FBXW11: variants seen among roughly 807,000 people sequenced by gnomAD.
FBXW11 encodes the protein F-box and WD repeat domain containing 11.
A neutral mutation model predicts 77.6 loss-of-function variants in FBXW11; 19 were observed. The ratio of observed to expected loss-of-function variants is 0.24; its 90% CI spans 0.17 to 0.36. The LOEUF (loss-of-function observed/expected upper bound fraction) is 0.36. Among genes scored for constraint, FBXW11 ranks in the 10% least tolerant of loss-of-function variants. The pLI is 1.00. For synonymous variants in FBXW11, 235 were observed against 249.4 expected, an observed-to-expected ratio of 0.94 and a Z score of 0.54; for missense variants, 334 against 704.2, an observed-to-expected ratio of 0.47 and a Z score of 5.95.
intron 2 of FBXW11, among the ~76,000 whole-genome samples, chr5:171,928,414 A>C (rs190902657): frequency 1.0e-3 from 155 of 152,330 alleles, no homozygotes; most frequent in African/African-American, 3.6e-3. Flanking sequence ...TTCATTAGCA[A>C]TCTCAAGGGA....
intron 2 of FBXW11, among the ~76,000 whole-genome samples, chr5:171,944,401 C>T (rs1762898452): frequency 6.6e-6 from 1 of 151,514 alleles, no homozygotes. Context: ...TGGTGAAACC[C>T]CATCTCTACT....
At chr5:171,951,956 CT>C (rs1763342433) in intron 2 of FBXW11, among the ~76,000 whole-genome samples, 1 of 152,086 alleles carries the variant, frequency 6.6e-6, no homozygotes, top group African/African-American at 2.4e-5. Context: ...GAATAATTCT[CT>C]TATTTTTGTG....
intron 13 of FBXW11, among the ~76,000 whole-genome samples, chr5:171,866,438 AT>A (rs1381069569): frequency 2.0e-5 from 3 of 152,200 alleles, no homozygotes; most frequent in African/African-American, 7.2e-5. Context: ...TTGACTTATA[AT>A]TGATCACAAC....
intron 1 of FBXW11, among the ~76,000 whole-genome samples, chr5:171,966,021 T>C (rs904200356): frequency 6.6e-6 from 1 of 152,140 alleles, no homozygotes; most frequent in African/African-American, 2.4e-5. Context: ...ACATGCTTGT[T>C]TCCCCTTTGC....
chr5:171,885,417 C>T (rs772662111), intron 7 of FBXW11, among the ~76,000 whole-genome samples: 4 of 152,184 alleles, frequency 2.6e-5, no homozygotes, highest in East Asian at 1.9e-4. Flanking sequence ...GGTTACCCTA[C>T]CCAGGCACTG....
chr5:171,889,843 G>A (rs994212186), intron 7 of FBXW11, among the ~76,000 whole-genome samples: 7 of 152,082 alleles, frequency 4.6e-5, no homozygotes, highest in Non-Finnish European at 1.0e-4. Flanking sequence ...AGCTGAGATC[G>A]TGCCATTGCA....
intron 2 of FBXW11, among the ~76,000 whole-genome samples, chr5:171,939,533 A>C (rs909440351): frequency 2.6e-5 from 4 of 151,952 alleles, no homozygotes; most frequent in Non-Finnish European, 5.9e-5. Flanking sequence ...CCCGTCTCTA[A>C]GAAAAATGAC....
chr5:171,877,511 C>T (rs1417694100), intron 8 of FBXW11, among the ~76,000 whole-genome samples: 1 of 152,084 alleles, frequency 6.6e-6, no homozygotes, highest in African/African-American at 2.4e-5. Context: ...TTTTCTGTAA[C>T]CCTCATCTCC....
intron 6 of FBXW11, 111 bp downstream of exon 6, chr5:171,898,893 A>G (rs565169180): frequency 3.5e-6 from 2 of 569,960 alleles, no homozygotes; most frequent in Admixed American, 7.2e-5. Flanking sequence ...TCAACTTTTT[A>G]AAAAAAATTA....
At chr5:171,893,420 CCAAAAAAA>C (rs1288986886) in intron 6 of FBXW11, among the ~76,000 whole-genome samples, 2 of 4,532 alleles carry the variant, frequency 4.4e-4, no homozygotes, top group Admixed American at 5.0e-3. Context: ...CACTTCAAAA[CCAAAAAAA>C]AAAAAAAAAA....
intron 1 of FBXW11, among the ~76,000 whole-genome samples, chr5:171,959,014 T>C (rs1017221510): frequency 3.3e-5 from 5 of 151,510 alleles, no homozygotes; most frequent in Admixed American, 2.0e-4. Flanking sequence ...CAAACAAAGA[T>C]AGCTTTGCTT....
chr5:171,895,140 T>C (rs1372425921), intron 6 of FBXW11, among the ~76,000 whole-genome samples: 1 of 152,142 alleles, frequency 6.6e-6, no homozygotes. Context: ...TGCACCTCTT[T>C]ATATGGATAC....
intron 2 of FBXW11, among the ~76,000 whole-genome samples, chr5:171,956,207 A>C (rs957565485): frequency 1.3e-5 from 2 of 152,234 alleles, no homozygotes; most frequent in African/African-American, 4.8e-5. Context: ...CACCTATTAT[A>C]ATAACGCAAA....
At chr5:171,940,025 G>GT (rs1427846121) in intron 2 of FBXW11, among the ~76,000 whole-genome samples, 1 of 151,944 alleles carries the variant, frequency 6.6e-6, no homozygotes, top group Non-Finnish European at 1.5e-5. Context: ...ATTTTTATTT[G>GT]TATTATTTTT....
In FBXW11 at chr5:171,987,047, G is replaced by GA. The variant is rs1465353556; in HGVS notation, c.45+19410dup. 2.0e-5 allele frequency among the ~76,000 whole-genome samples: 3 copies of GA among 152,204 alleles called. No individual in the cohort carries two copies. In the East Asian group the frequency reaches 5.8e-4, roughly 29 times the overall value. On this transcript the variant is annotated intron_variant, in intron 1 of 13. Transcript: ENST00000517395. ...CCTACTGTGAACTGCGCATGTGAGG[G>GA]ATCTACGTTGCATGCTCTTTAAGAG...
At chr5:171,998,336 C>CTTTTTTTTTTTTTTTT (rs778327855) in intron 1 of FBXW11, among the ~76,000 whole-genome samples, 16 of 114,820 alleles carry the variant, frequency 1.4e-4, no homozygotes, top group African/African-American at 5.4e-4. Context: ...TTTTTCTTGT[C>CTTTTTTTTTTTTTTTT]TTTTTTTTTT....
intron 1 of FBXW11, among the ~76,000 whole-genome samples, chr5:171,994,647 C>T (rs1456731463): frequency 2.0e-5 from 3 of 152,072 alleles, no homozygotes; most frequent in African/African-American, 7.2e-5. Context: ...TAGAATCATG[C>T]TCAATAAAGA....
Position 171,904,708 on chromosome 5 carries a change from A to G in FBXW11, c.437-4608T>C, listed in dbSNP as rs2113901571. On this transcript the variant is annotated intron_variant, in intron 4 of 13. Transcript: ENST00000517395. The surrounding 1 kb of genome is among the most constrained non-coding windows in gnomAD (Gnocchi z 4.0). The stretch of plus-strand genomic sequence containing the variant: ...TGCCTCAGCCTCCCGAGTAGCTGGG[A>G]CTACAGGCGCACACCACCATGCCCA... Among the ~76,000 whole-genome samples the G allele has an allele frequency of 6.6e-6, 1 of 152,230 alleles. No homozygotes were observed. The highest frequency in any genetic ancestry group is 2.1e-4 in the South Asian group (1 of 4,816).
chr5:171,984,650 C>T (rs1448937086), intron 1 of FBXW11, among the ~76,000 whole-genome samples: 5 of 152,122 alleles, frequency 3.3e-5, no homozygotes, highest in Non-Finnish European at 5.9e-5. Context: ...ATTCACTATC[C>T]TTTTAACTTC....
Sources: allele counts gnomAD v4.1 joint callset (sites outside exome capture counted in the v4.1 genomes callset), GRCh38; gene constraint gnomAD v4.1.1; non-coding constraint Gnocchi (gnomAD v3.1); transcripts MANE v1.5; gene names NCBI Gene and HGNC (gene_info 2026-07-23, HGNC 2026-07-21).